The following AUTS2 variants were observed in gnomAD, a reference collection of about 807,000 sequenced individuals.
AUTS2 encodes activator of transcription and developmental regulator AUTS2, also known as autism susceptibility gene 2 protein.
Under a neutral mutation model 112.4 loss-of-function variants are expected in AUTS2, and 17 were observed. The ratio of observed to expected loss-of-function variants is 0.15; its 90% CI spans 0.10 to 0.23. AUTS2 has a LOEUF of 0.23. Ranked by LOEUF, AUTS2 falls within the 10% of genes least tolerant of loss-of-function variation. The pLI is 1.00. For synonymous variants in AUTS2, 751 were observed against 702.7 expected, an observed-to-expected ratio of 1.07 and a Z score of -1.09; for missense variants, 1,510 against 1,701.6, an observed-to-expected ratio of 0.89 and a Z score of 1.98.
chr7:70,086,796 A>C (rs1289063954), intron 2 of AUTS2, among the ~76,000 whole-genome samples: 1 of 152,144 alleles, frequency 6.6e-6, no homozygotes, highest in African/African-American at 2.4e-5. Context: ...GTAAATGTAC[A>C]GTTAACTTTT....
intron 5 of AUTS2, among the ~76,000 whole-genome samples, chr7:70,509,782 T>G (rs1799109225): frequency 1.3e-5 from 2 of 152,216 alleles, no homozygotes; most frequent in African/African-American, 4.8e-5. Context: ...TACTGTGCAC[T>G]TGTTTGAGAC....
intron 4 of AUTS2, among the ~76,000 whole-genome samples, chr7:70,153,480 G>T (rs753263364): frequency 6.6e-6 from 1 of 152,090 alleles, no homozygotes. Context: ...TAGGTGATGG[G>T]TATGTTCATT....
intron 3 of AUTS2, among the ~76,000 whole-genome samples, chr7:70,126,881 C>A (rs971031786): frequency 6.6e-6 from 1 of 152,040 alleles, no homozygotes; most frequent in African/African-American, 2.4e-5. Flanking sequence ...GAGTGGAGTG[C>A]AATGGTGCGA....
chr7:69,614,940 T>C (rs1250419259), intron 1 of AUTS2, among the ~76,000 whole-genome samples: 1 of 152,262 alleles, frequency 6.6e-6, no homozygotes, highest in East Asian at 1.9e-4. Context: ...ATTTTACAGA[T>C]TGTAATTGTT....
Position 70,787,215 on chromosome 7 carries a change from A to G in AUTS2, c.2315A>G (p.Asn772Ser), listed in dbSNP as rs1165282876. Residue 772 changes from asparagine (N) to serine (S), a missense_variant, in exon 18 of 19, where the codon AAC (asparagine) becomes AGC (serine). This residue lies in a region of AUTS2 where 788 missense variants were observed against 797.6 expected (regional missense o/e 0.99). Transcript: ENST00000342771. ...GGLGNPSVTP[N>S]SMFGHKDGPS... ...CTCCACTTCACCATTTCAGCACCCA[A>G]CTCAATGTTCGGCCACAAGGATGGC... 1 of 1,614,090 alleles carries G rather than the reference A, an allele frequency of 6.2e-7. No homozygotes were observed. Among genetic ancestry groups the G allele is most frequent in the South Asian group, 1.1e-5 (1 of 91,074 alleles).
chr7:70,683,424 G>T (rs957856249), intron 5 of AUTS2, among the ~76,000 whole-genome samples: 1 of 152,320 alleles, frequency 6.6e-6, no homozygotes, highest in Non-Finnish European at 1.5e-5. Flanking sequence ...GGCAATGGTG[G>T]TGTGTAAGAG....
Position 70,739,003 on chromosome 7 carries a change from CTTTTTTTTTTTTTTTTTT to C in AUTS2, c.743-23850_743-23833del, listed in dbSNP as rs57525224. Among the ~76,000 whole-genome samples the C allele has an allele frequency of 7.5e-4, 43 of 57,314 alleles. 1 individual carries two copies. In the South Asian group the frequency reaches 0.033, roughly 44 times the overall value. The allele number at this position is 57,314 out of a possible 152,430, so 37.6% of individuals were successfully genotyped here. On this transcript the variant is annotated intron_variant, in intron 6 of 18. Coordinates refer to ENST00000342771, the MANE Select transcript of AUTS2 (RefSeq NM_015570.4). ...GGTGATGTCCACGAGGTTTTGAGGC[CTTTTTTTTTTTTTTTTTT>C]TTTTTTTTTTTTTTTTGAGAGAGAG...
At chr7:69,685,203 G>T (rs1270195829) in intron 1 of AUTS2, among the ~76,000 whole-genome samples, 1 of 152,164 alleles carries the variant, frequency 6.6e-6, no homozygotes, top group East Asian at 1.9e-4. Flanking sequence ...CCCTGTTCCT[G>T]TAACTTGCTG....
At chr7:70,380,855 T>G (rs573857722) in intron 4 of AUTS2, among the ~76,000 whole-genome samples, 1 of 152,308 alleles carries the variant, frequency 6.6e-6, no homozygotes, top group South Asian at 2.1e-4. Flanking sequence ...CAAAGAAATA[T>G]TCAAAACTAG....
chr7:70,178,110 T>G (rs1809093443), intron 4 of AUTS2, among the ~76,000 whole-genome samples: 2 of 151,942 alleles, frequency 1.3e-5, no homozygotes, highest in African/African-American at 4.8e-5. Context: ...GAGACAGGGT[T>G]TCATCATTGT....
chr7:70,483,913 T>C (rs1172087569), intron 5 of AUTS2, among the ~76,000 whole-genome samples: 5 of 152,218 alleles, frequency 3.3e-5, no homozygotes. Context: ...TTAAAGCATG[T>C]ATATGATAAT....
intron 4 of AUTS2, among the ~76,000 whole-genome samples, chr7:70,430,828 CTTTTT>C (rs745358887): frequency 4.2e-5 from 4 of 94,512 alleles, no homozygotes; most frequent in East Asian, 7.2e-4. Context: ...GCAGTGTCGC[CTTTTT>C]TTTTTTTTTT....
chr7:70,363,403 A>G (rs1295332802), intron 4 of AUTS2, among the ~76,000 whole-genome samples: 1 of 142,236 alleles, frequency 7.0e-6, no homozygotes, highest in Non-Finnish European at 1.5e-5. Context: ...ATGTATACAT[A>G]TGTAACTAAC....
At chr7:70,619,738 CCGA>C (rs1040384334) in intron 5 of AUTS2, among the ~76,000 whole-genome samples, 3 of 152,042 alleles carry the variant, frequency 2.0e-5, no homozygotes, top group South Asian at 2.1e-4. Context: ...GAGGAAGGAT[CCGA>C]CCCCTTTTAA....
At chr7:70,456,755 A>G (rs747319048) in intron 5 of AUTS2, among the ~76,000 whole-genome samples, 1 of 152,170 alleles carries the variant, frequency 6.6e-6, no homozygotes, top group Non-Finnish European at 1.5e-5. Context: ...CAGCCCTTCA[A>G]TCCCACACAA....
chr7:70,771,475 A>C lies in AUTS2; in HGVS notation c.1735-74A>C, dbSNP rs550788702. On this transcript the variant is annotated intron_variant, in intron 10 of 18. Transcript: ENST00000342771. ...GGCTTGCTCATGTCGATGTCTTTCTATGGGACGGGAATTTGAATATGTCAC... is the reference window on the plus strand; with the variant it reads ...GGCTTGCTCATGTCGATGTCTTTCTCTGGGACGGGAATTTGAATATGTCAC... 1.3e-4 allele frequency: 172 copies of C among 1,290,362 alleles called. 1 individual carries two copies. The South Asian group carries it at 1.8e-3, about 14-fold the overall frequency. The allele number at this position is 1,290,362 out of a possible 1,614,324, so 79.9% of individuals were successfully genotyped here.
At chr7:70,589,930 G>A (rs1366648460) in intron 5 of AUTS2, among the ~76,000 whole-genome samples, 1 of 152,026 alleles carries the variant, frequency 6.6e-6, no homozygotes, top group Non-Finnish European at 1.5e-5. Flanking sequence ...AAACACTCCT[G>A]CCATTCCCTC....
intron 5 of AUTS2, among the ~76,000 whole-genome samples, chr7:70,554,642 G>A (rs1482877725): frequency 1.3e-5 from 2 of 152,104 alleles, no homozygotes; most frequent in East Asian, 3.9e-4. Context: ...CTTACCTCCA[G>A]GGCTTTGTTT....
At chr7:69,991,848 G>C (rs1297298402) in intron 2 of AUTS2, among the ~76,000 whole-genome samples, 1 of 152,148 alleles carries the variant, frequency 6.6e-6, no homozygotes, top group African/African-American at 2.4e-5. Context: ...GGCTTGTCTT[G>C]ATATCGGAAT....
Sources: allele counts gnomAD v4.1 joint callset (sites outside exome capture counted in the v4.1 genomes callset), GRCh38; gene constraint gnomAD v4.1.1; regional missense constraint gnomAD v4.1.1; transcripts MANE v1.5; gene names NCBI Gene and HGNC (gene_info 2026-07-23, HGNC 2026-07-21).